NLGN1: variants seen among roughly 807,000 people sequenced by gnomAD.
NLGN1 encodes neuroligin 1.
NLGN1 carries 12 observed loss-of-function variants against 65.5 expected under a neutral mutation model. The ratio of observed to expected loss-of-function variants is 0.18; its 90% CI spans 0.12 to 0.30. NLGN1 has a LOEUF of 0.30. Among genes scored for constraint, NLGN1 ranks in the 10% least tolerant of loss-of-function variants. The pLI, the probability that NLGN1 is intolerant of heterozygous loss-of-function variation, is 1.00. For synonymous variants in NLGN1, 350 were observed against 359.5 expected, an observed-to-expected ratio of 0.97 and a Z score of 0.30; for missense variants, 750 against 1,007.1, an observed-to-expected ratio of 0.74 and a Z score of 3.46.
intron 4 of NLGN1, among the ~76,000 whole-genome samples, chr3:174,114,328 A>G (rs752252292): frequency 2.0e-5 from 3 of 152,198 alleles, no homozygotes; most frequent in Non-Finnish European, 2.9e-5. Flanking sequence ...TATGTAATTC[A>G]TTAAAATACT....
At chr3:174,110,084 A>G (rs550517151) in intron 4 of NLGN1, among the ~76,000 whole-genome samples, 98 of 151,624 alleles carry the variant, frequency 6.5e-4, no homozygotes, top group Non-Finnish European at 1.3e-3. Context: ...TATACACTTG[A>G]TTTGTCATTT....
At chr3:174,196,528 T>A (rs1733449874) in intron 4 of NLGN1, among the ~76,000 whole-genome samples, 1 of 152,214 alleles carries the variant, frequency 6.6e-6, no homozygotes, top group Non-Finnish European at 1.5e-5. Context: ...TTAGAAAATC[T>A]TTATAACCAT....
chr3:174,082,610 A>G (rs1006632047), intron 4 of NLGN1, among the ~76,000 whole-genome samples: 5 of 151,948 alleles, frequency 3.3e-5, no homozygotes, highest in Non-Finnish European at 5.9e-5. Flanking sequence ...AATATATACA[A>G]TATCTACTAA....
chr3:173,727,390 G>C (rs1411710825), intron 3 of NLGN1, among the ~76,000 whole-genome samples: 1 of 152,042 alleles, frequency 6.6e-6, no homozygotes, highest in Admixed American at 6.6e-5. Context: ...TATTTATAAA[G>C]CACATCTTTC....
At chr3:174,244,917 T>A (rs1743519920) in intron 4 of NLGN1, among the ~76,000 whole-genome samples, 1 of 152,212 alleles carries the variant, frequency 6.6e-6, no homozygotes, top group Non-Finnish European at 1.5e-5. Context: ...TTGCCATAGA[T>A]GTCGCAGGAA....
intron 2 of NLGN1, among the ~76,000 whole-genome samples, chr3:173,515,550 C>T (rs953663326): frequency 6.6e-6 from 1 of 152,046 alleles, no homozygotes; most frequent in African/African-American, 2.4e-5. Flanking sequence ...CAACATTCAT[C>T]AAATCATTGC....
chr3:173,691,400 A>T (rs1765446121), intron 3 of NLGN1, among the ~76,000 whole-genome samples: 3 of 152,132 alleles, frequency 2.0e-5, no homozygotes, highest in African/African-American at 7.2e-5. Context: ...CTTAATTTAT[A>T]ATAGGCTCTT....
At chr3:173,549,647 C>T (rs1740507601) in intron 2 of NLGN1, among the ~76,000 whole-genome samples, 1 of 151,980 alleles carries the variant, frequency 6.6e-6, no homozygotes, top group African/African-American at 2.4e-5. Flanking sequence ...AGGAGGGATG[C>T]TAAATCATGC....
chr3:173,587,615 A>G (rs1023590549), intron 2 of NLGN1, among the ~76,000 whole-genome samples: 6 of 152,148 alleles, frequency 3.9e-5, no homozygotes, highest in African/African-American at 1.2e-4. Flanking sequence ...TAAAAAGAAC[A>G]TGGTAGCCTT....
intron 4 of NLGN1, among the ~76,000 whole-genome samples, chr3:173,904,137 CA>C (rs1258553640): frequency 6.6e-6 from 1 of 152,118 alleles, no homozygotes; most frequent in Admixed American, 6.6e-5. Flanking sequence ...GTCAAACTAT[CA>C]ATGGCTTTTG....
In NLGN1 at chr3:174,037,481, C is replaced by T. The variant is rs550227337; in HGVS notation, c.646+229649C>T. 9.9e-5 allele frequency among the ~76,000 whole-genome samples: 15 copies of T among 152,212 alleles called. No individual in the cohort carries two copies. The South Asian group carries it at 1.2e-3, about 13-fold the overall frequency. ...AACTATCTTTTGATGTTAGAGAACA[C>T]GATGTCGATGAAAGCACTAGCAATA... On this transcript the variant is annotated intron_variant, in intron 4 of 6. Coordinates refer to ENST00000457714, the Ensembl canonical transcript of NLGN1.
At chr3:173,729,205 A>G (rs1295346548) in intron 3 of NLGN1, among the ~76,000 whole-genome samples, 2 of 152,110 alleles carry the variant, frequency 1.3e-5, no homozygotes, top group Non-Finnish European at 2.9e-5. Context: ...TCTCTCAGTC[A>G]TTCCATCCAC....
intron 3 of NLGN1, among the ~76,000 whole-genome samples, chr3:173,632,337 C>G (rs904301626): frequency 6.6e-6 from 1 of 152,092 alleles, no homozygotes; most frequent in South Asian, 2.1e-4. Flanking sequence ...GCTTCATTTT[C>G]CCCCAGAGTA....
At chr3:173,555,173 T>G (rs572213594) in intron 2 of NLGN1, among the ~76,000 whole-genome samples, 1 of 152,366 alleles carries the variant, frequency 6.6e-6, no homozygotes, top group Middle Eastern at 3.4e-3. Flanking sequence ...AAATTCATTA[T>G]TGTTGGTTTG....
At chr3:173,807,775 T>C (rs949000591) in exon 4 of NLGN1, 1 of 1,613,830 alleles carries the variant, frequency 6.2e-7, no homozygotes, top group Non-Finnish European at 8.5e-7. Context: ...TGGAAGTGTC[T>C]TGGCAAGTTA....
intron 4 of NLGN1, among the ~76,000 whole-genome samples, chr3:173,973,129 A>G (rs1217284973): frequency 6.6e-6 from 1 of 152,168 alleles, no homozygotes; most frequent in Non-Finnish European, 1.5e-5. Flanking sequence ...TGTAAAGTCT[A>G]TATGACCCAA....
chr3:174,039,893 C>G (rs934404086), intron 4 of NLGN1, among the ~76,000 whole-genome samples: 7 of 152,082 alleles, frequency 4.6e-5, no homozygotes, highest in African/African-American at 1.7e-4. Context: ...ATAAGTAGGA[C>G]TTTCGTGTTG....
At chr3:174,191,470 A>G (rs149274198) in intron 4 of NLGN1, among the ~76,000 whole-genome samples, 2 of 152,308 alleles carry the variant, frequency 1.3e-5, no homozygotes, top group Admixed American at 6.5e-5. Context: ...GAGCAAAGCT[A>G]TATTTGCTAC....
intron 4 of NLGN1, among the ~76,000 whole-genome samples, chr3:174,017,683 G>A (rs291918): frequency 1.3e-5 from 2 of 152,052 alleles, no homozygotes; most frequent in Admixed American, 6.6e-5. Context: ...TGATGCCCCC[G>A]TCAAGCCGCA....
Sources: gnomAD v4.1 joint callset for allele counts (sites outside exome capture counted in the v4.1 genomes callset) on GRCh38, gnomAD v4.1.1 for gene constraint, MANE v1.5 for transcripts, NCBI Gene and HGNC (gene_info 2026-07-23, HGNC 2026-07-21) for gene names.